Variants in SLC1A7 observed in about 807,000 individuals in gnomAD.
The protein encoded by SLC1A7 is excitatory amino acid transporter 5.
Under a neutral mutation model 47.7 loss-of-function variants are expected in SLC1A7, and 40 were observed. The ratio of observed to expected loss-of-function variants is 0.84; its 90% CI spans 0.65 to 1.09. SLC1A7 has a LOEUF of 1.09. Ranked by LOEUF, SLC1A7 falls within the 50% of genes least tolerant of loss-of-function variation. The pLI is 0.00. For synonymous variants in SLC1A7, 323 were observed against 325.6 expected, an observed-to-expected ratio of 0.99 and a Z score of 0.09; for missense variants, 746 against 769.5, an observed-to-expected ratio of 0.97 and a Z score of 0.36.
At chr1:53,099,106 G>A (rs908401561) in intron 5 of SLC1A7, among the ~76,000 whole-genome samples, 4 of 143,398 alleles carry the variant, frequency 2.8e-5, no homozygotes, top group South Asian at 2.3e-4. Flanking sequence ...CACACATACC[G>A]CCTCGGTAGG....
chr1:53,099,341 CCTCAGTACCTCACATA>C (rs1388946798), intron 5 of SLC1A7, among the ~76,000 whole-genome samples: 90 of 61,444 alleles, frequency 1.5e-3, no homozygotes, highest in East Asian at 3.7e-3. Context: ...GCTCACACTG[CCTCAGTACCTCACATA>C]CCGCCTCGGT....
chr1:53,107,785 G>C (rs941573597), intron 3 of SLC1A7: 1 of 152,152 alleles, frequency 6.6e-6, no homozygotes, highest in African/African-American at 2.4e-5. Context: ...CTCCAGCCCC[G>C]GGAAGAGTTC....
At chr1:53,103,028 C>A in intron 5 of SLC1A7, 1 of 262,654 alleles carries the variant, frequency 3.8e-6, no homozygotes, top group South Asian at 1.4e-4. Context: ...AAGGTGCGGG[C>A]CTCCAAGGGG....
intron 2 of SLC1A7, among the ~76,000 whole-genome samples, chr1:53,133,068 G>A (rs996157361): frequency 5.9e-5 from 9 of 152,146 alleles, no homozygotes; most frequent in Admixed American, 5.2e-4. Context: ...AAGATGGAGG[G>A]GCAGAAAGCA....
chr1:53,137,301 T>TAAAAAAAAAAAAA (rs1645012238), intron 1 of SLC1A7, among the ~76,000 whole-genome samples: 1 of 59,422 alleles, frequency 1.7e-5, no homozygotes, highest in Admixed American at 2.1e-4. Flanking sequence ...AAAAAAAAAG[T>TAAAAAAAAAAAAA]GCTCTACTGA....
intron 10 of SLC1A7, 33 bp downstream of exon 10, chr1:53,088,844 C>T: frequency 2.5e-6 from 4 of 1,577,602 alleles, no homozygotes; most frequent in Non-Finnish European, 3.5e-6. Flanking sequence ...TGGCTCCACC[C>T]TCCTGGCAGC....
At chr1:53,133,950 G>A (rs1644965794) in intron 2 of SLC1A7, among the ~76,000 whole-genome samples, 1 of 152,156 alleles carries the variant, frequency 6.6e-6, no homozygotes, top group African/African-American at 2.4e-5. Flanking sequence ...GAGGTAATAT[G>A]TCCAAGGTTA....
intron 2 of SLC1A7, among the ~76,000 whole-genome samples, chr1:53,117,581 T>C (rs1404765219): frequency 1.3e-5 from 2 of 152,332 alleles, no homozygotes; most frequent in African/African-American, 2.4e-5. Flanking sequence ...AAAAGCAAGT[T>C]ACCAGATTGT....
Position 53,122,288 on chromosome 1 carries a change from C to G in SLC1A7, c.216-7315G>C, listed in dbSNP as rs115946580. Among the ~76,000 whole-genome samples, 595 of 152,244 alleles carry G rather than the reference C, an allele frequency of 3.9e-3. 5 individuals carry two copies. Among genetic ancestry groups the G allele is most frequent in the African/African-American group, 0.014 (575 of 41,558 alleles). On this transcript the variant is annotated intron_variant, in intron 2 of 10. Transcript: ENST00000371494. ...TCACAACCTCCTGGCAGTGGGAGGA[C>G]CTGAGGGACAGTGAGGAGCCCCAAG...
intron 5 of SLC1A7, among the ~76,000 whole-genome samples, chr1:53,101,450 C>T (rs1190219243): frequency 4.3e-5 from 6 of 138,804 alleles, no homozygotes; most frequent in Admixed American, 7.2e-5. Context: ...CATCTCACAA[C>T]GGTACACTCA....
chr1:53,142,271 C>A (rs118187275), intron 1 of SLC1A7, 44 bp downstream of exon 1: 1 of 1,540,134 alleles, frequency 6.5e-7, no homozygotes, highest in Non-Finnish European at 8.8e-7. Context: ...CAGGCCCACA[C>A]GCCCCTCCTG....
chr1:53,134,774 CAG>C, intron 1 of SLC1A7, among the ~76,000 whole-genome samples: 1 of 152,280 alleles, frequency 6.6e-6, no homozygotes, highest in Middle Eastern at 3.4e-3. Context: ...CCTGAAACCA[CAG>C]AGACTGAACC....
chr1:53,141,440 G>A (rs1355659889), intron 1 of SLC1A7, among the ~76,000 whole-genome samples: 1 of 152,044 alleles, frequency 6.6e-6, no homozygotes, highest in Admixed American at 6.6e-5. Flanking sequence ...CCTGAATAGA[G>A]CCTTCCTTAC....
At chr1:53,096,080 C>T (rs1157584453) in intron 5 of SLC1A7, among the ~76,000 whole-genome samples, 4 of 145,570 alleles carry the variant, frequency 2.7e-5, no homozygotes, top group Non-Finnish European at 4.5e-5. Context: ...CTCACACTGC[C>T]TTGGTATGCT....
At chr1:53,105,244 C>T (rs1417908633) in intron 4 of SLC1A7, among the ~76,000 whole-genome samples, 1 of 152,096 alleles carries the variant, frequency 6.6e-6, no homozygotes, top group African/African-American at 2.4e-5. Context: ...CTACAGTGAA[C>T]ATCATTATTA....
At chr1:53,127,038 G>GTTTTTTTTTTT (rs61456544) in intron 2 of SLC1A7, among the ~76,000 whole-genome samples, 30 of 97,576 alleles carry the variant, frequency 3.1e-4, no homozygotes, top group Admixed American at 4.1e-4. Context: ...AATTTTAAAA[G>GTTTTTTTTTTT]TTTTTTTTTT....
intron 6 of SLC1A7, 23 bp from the exon 7 acceptor site, chr1:53,092,810 GC>G: frequency 6.6e-7 from 1 of 1,520,908 alleles, no homozygotes; most frequent in Non-Finnish European, 9.1e-7. Flanking sequence ...GGGCAGCCAG[GC>G]TCAGGAACCA....
At chr1:53,135,018 G>A (rs898233707) in intron 1 of SLC1A7, among the ~76,000 whole-genome samples, 4 of 152,082 alleles carry the variant, frequency 2.6e-5, no homozygotes, top group African/African-American at 9.7e-5. Flanking sequence ...CGGATAAGGG[G>A]GGACTGCTCT....
intron 1 of SLC1A7, among the ~76,000 whole-genome samples, chr1:53,137,299 A>AAAAAAAAAAAAAAAAAAAAAAAAAAAAAT (rs71044460): frequency 1.4e-5 from 2 of 139,692 alleles, no homozygotes; most frequent in African/African-American, 2.7e-5. Flanking sequence ...AAAAAAAAAA[A>AAAAAAAAAAAAAAAAAAAAAAAAAAAAAT]GTGCTCTACT....
Sources: allele counts gnomAD v4.1 joint callset (sites outside exome capture counted in the v4.1 genomes callset), GRCh38; gene constraint gnomAD v4.1.1; transcripts MANE v1.5; gene names NCBI Gene and HGNC (gene_info 2026-07-23, HGNC 2026-07-21).